TAB2: variants seen among roughly 807,000 people sequenced by gnomAD.
TAB2 encodes TGF-beta-activated kinase 1 and MAP3K7-binding protein 2.
A neutral mutation model predicts 65.0 loss-of-function variants in TAB2; 3 were observed. The observed-to-expected ratio is 0.05, with a 90% CI of 0.02 to 0.12. TAB2 has a LOEUF of 0.12. TAB2 is among the 10% of genes least tolerant of loss of function. The pLI, the probability that TAB2 is intolerant of heterozygous loss-of-function variation, is 1.00. For missense variants in TAB2, 623 were observed against 840.3 expected (o/e 0.74, Z 3.20); for synonymous variants, 298 against 285.1 (o/e 1.05, Z -0.46).
intron 1 of TAB2, among the ~76,000 whole-genome samples, chr6:149,228,752 G>A (rs1777337939): frequency 6.6e-6 from 1 of 152,232 alleles, no homozygotes; most frequent in Non-Finnish European, 1.5e-5. Flanking sequence ...CTTTAAATGT[G>A]TTCGGTTTAA....
At position 149,309,521 on chromosome 6, in the gene TAB2, C is replaced by G. The variant is rs368731393; in HGVS notation, c.-120-68497C>G. ...ACACCTTTCTCCTGCCTCAGCCTCC[C>G]GAGTAGCTGGGACTACAGGCGCCCG... On this transcript the variant is annotated intron_variant, in intron 1 of 1. Coordinates refer to the TAB2 transcript ENST00000606202. 5.3e-3 allele frequency among the ~76,000 whole-genome samples: 803 copies of G among 152,030 alleles called. 7 individuals carry two copies. The highest frequency in any genetic ancestry group is 0.019 in the African/African-American group (770 of 41,430).
chr6:149,280,646 A>G (rs1778556442), intron 1 of TAB2, among the ~76,000 whole-genome samples: 1 of 152,208 alleles, frequency 6.6e-6, no homozygotes, highest in Non-Finnish European at 1.5e-5. Context: ...TGAAAGTAAA[A>G]TCAAGACTCA....
At chr6:149,369,320 T>G (rs1342629947) in intron 1 of TAB2, among the ~76,000 whole-genome samples, 1 of 152,182 alleles carries the variant, frequency 6.6e-6, no homozygotes, top group Non-Finnish European at 1.5e-5. Context: ...CTCAGCCAAT[T>G]AAATCAAACC....
chr6:149,309,597 C>T (rs1779132373), intron 1 of TAB2, among the ~76,000 whole-genome samples: 1 of 152,020 alleles, frequency 6.6e-6, no homozygotes, highest in Admixed American at 6.5e-5. Flanking sequence ...CGGGGTTTCA[C>T]CGTGTTAGCC....
chr6:149,375,587 A>G (rs1781372502), intron 2 of TAB2, among the ~76,000 whole-genome samples: 1 of 152,088 alleles, frequency 6.6e-6, no homozygotes. Context: ...TTGGTAGGGA[A>G]TGTAAATTTT....
Position 149,390,989 on chromosome 6 carries a change from C to T in TAB2, c.1604-6615C>T, listed in dbSNP as rs537203818. On this transcript the variant is annotated intron_variant, in intron 3 of 6. Transcript: ENST00000637181. ...TCTCTTCCCTGTTATAAATTACAGT[C>T]GCCATTCTTGGATCTTATATTATCT... 4.6e-5 allele frequency among the ~76,000 whole-genome samples: 7 copies of T among 152,224 alleles called. No homozygotes were observed. The South Asian group carries it at 6.2e-4, about 14-fold the overall frequency.
chr6:149,283,184 C>A (rs1778606404), intron 1 of TAB2, among the ~76,000 whole-genome samples: 1 of 152,200 alleles, frequency 6.6e-6, no homozygotes, highest in African/African-American at 2.4e-5. Flanking sequence ...TTGGCCTGCA[C>A]TTCTTGCTTA....
exon 1 of TAB2, chr6:149,218,669 G>C (rs549012958): frequency 6.8e-6 from 3 of 439,072 alleles, no homozygotes; most frequent in African/African-American, 6.0e-5. Flanking sequence ...AGGGCCACAG[G>C]CTGTAAAGAT....
chr6:149,286,880 C>A (rs553279691), intron 1 of TAB2, among the ~76,000 whole-genome samples: 71 of 152,282 alleles, frequency 4.7e-4, no homozygotes, highest in Admixed American at 4.5e-3. Flanking sequence ...CTTTGGGAGG[C>A]TGAGGTGGGT....
chr6:149,257,930 A>G (rs1238697776), intron 1 of TAB2, among the ~76,000 whole-genome samples: 2 of 152,208 alleles, frequency 1.3e-5, no homozygotes, highest in African/African-American at 4.8e-5. Context: ...TGCTAGACAG[A>G]GAGAAGTTCA....
In TAB2 at chr6:149,397,590, A is replaced by G. The variant is rs1782215454; in HGVS notation, c.1604-14A>G. ...AAGTGGGTGGGTCCTCATGTTTACT[A>G]ATGTGTGTTGCAGCTCTTTTGGTAC... On this transcript the variant is annotated splice_polypyrimidine_tract_variant and intron_variant, in intron 3 of 6. Transcript: ENST00000637181. The G allele has an allele frequency of 6.2e-7, 1 of 1,613,858 alleles. No individual in the cohort carries two copies.
chr6:149,309,688 C>A (rs1231798591), intron 1 of TAB2, among the ~76,000 whole-genome samples: 2 of 148,916 alleles, frequency 1.3e-5, no homozygotes, highest in Non-Finnish European at 3.0e-5. Flanking sequence ...TGAGCCACCA[C>A]GCCTGCCCTC....
At chr6:149,249,503 T>C (rs919061442) in intron 1 of TAB2, among the ~76,000 whole-genome samples, 14 of 151,822 alleles carry the variant, frequency 9.2e-5, no homozygotes, top group Admixed American at 7.2e-4. Context: ...TCTTTCTCTC[T>C]ATCTCTGTCT....
Position 149,284,335 on chromosome 6 carries a change from T to C in TAB2, c.-121+65559T>C, listed in dbSNP as rs147476541. On this transcript the variant is annotated intron_variant, in intron 1 of 1. Transcript: ENST00000606202. ...GGTGACTTCCACCACCAGGAAACCA[T>C]CCCAGACTTTCCCCAAGGTAGGCAA... 4.4e-3 allele frequency among the ~76,000 whole-genome samples: 671 copies of C among 152,196 alleles called. 7 individuals are homozygous for C. The highest frequency in any genetic ancestry group is 0.014 in the African/African-American group (596 of 41,512).
upstream of TAB2, among the ~76,000 whole-genome samples, chr6:149,316,636 T>TC (rs1188847823): frequency 6.6e-6 from 1 of 151,882 alleles, no homozygotes; most frequent in Non-Finnish European, 1.5e-5. Flanking sequence ...CGCTTTTTTT[T>TC]TCCCTAGGGG....
chr6:149,218,750 T>A (rs1325057173), exon 1 of TAB2: 1 of 456,032 alleles, frequency 2.2e-6, no homozygotes, highest in Non-Finnish European at 4.4e-6. Flanking sequence ...AGTTTATTCC[T>A]CCAAAGCAAA....
intron 1 of TAB2, among the ~76,000 whole-genome samples, chr6:149,279,194 T>C (rs1441518168): frequency 6.6e-6 from 1 of 152,172 alleles, no homozygotes; most frequent in African/African-American, 2.4e-5. Context: ...GTTTTCAGTG[T>C]TCACCGTGCC....
intron 3 of TAB2, among the ~76,000 whole-genome samples, chr6:149,391,697 A>G (rs1435247195): frequency 6.6e-6 from 1 of 151,566 alleles, no homozygotes; most frequent in African/African-American, 2.4e-5. Context: ...GCGCGCCACC[A>G]TGCCTGGCTA....
upstream of TAB2, among the ~76,000 whole-genome samples, chr6:149,315,099 C>A (rs524161): frequency 0.39 from 59,261 of 151,898 alleles, 11,592 homozygotes; most frequent in East Asian, 0.47. Flanking sequence ...TCTGGTTACT[C>A]AGAACAGAGG....
Sources: gnomAD v4.1 joint callset for allele counts (sites outside exome capture counted in the v4.1 genomes callset) on GRCh38, gnomAD v4.1.1 for gene constraint, MANE v1.5 for transcripts, NCBI Gene and HGNC (gene_info 2026-07-23, HGNC 2026-07-21) for gene names.